Variants in TRIM9 observed in about 807,000 individuals in gnomAD.
TRIM9 encodes E3 ubiquitin-protein ligase TRIM9.
In TRIM9, 26 loss-of-function variants were observed where a neutral mutation model predicts 78.3. The observed-to-expected ratio is 0.33, with a 90% CI of 0.24 to 0.46. The LOEUF is 0.46. Among genes scored for constraint, TRIM9 ranks in the 20% least tolerant of loss-of-function variants. The pLI is 1.00. For missense variants in TRIM9, 787 were observed against 1,036.4 expected, an observed-to-expected ratio of 0.76 and a Z score of 3.30; for synonymous variants, 398 against 416.5, an observed-to-expected ratio of 0.96 and a Z score of 0.54.
At chr14:51,018,071 T>A (rs1049418757) in intron 3 of TRIM9, among the ~76,000 whole-genome samples, 3 of 152,206 alleles carry the variant, frequency 2.0e-5, no homozygotes, top group Non-Finnish European at 4.4e-5. Flanking sequence ...CTGAGGGCAG[T>A]TGAAAGCTTC....
chr14:50,996,526 A>G (rs1028927506), intron 7 of TRIM9: 1 of 985,328 alleles, frequency 1.0e-6, no homozygotes, highest in Non-Finnish European at 1.2e-6. Flanking sequence ...GATAACACAT[A>G]TTAGCAACAT....
At chr14:51,023,244 T>A (rs1278703181) in intron 2 of TRIM9, among the ~76,000 whole-genome samples, 1 of 152,238 alleles carries the variant, frequency 6.6e-6, no homozygotes, top group Non-Finnish European at 1.5e-5. Context: ...TTCATAGAGT[T>A]GTTTATGAAT....
At chr14:51,007,056 G>A (rs1476370485) in intron 5 of TRIM9, among the ~76,000 whole-genome samples, 1 of 152,054 alleles carries the variant, frequency 6.6e-6, no homozygotes, top group Admixed American at 6.6e-5. Flanking sequence ...CAATGAATGG[G>A]GGAGGAGAGG....
At chr14:51,073,448 TG>T (rs1227686738) in intron 1 of TRIM9, among the ~76,000 whole-genome samples, 1 of 152,126 alleles carries the variant, frequency 6.6e-6, no homozygotes, top group Non-Finnish European at 1.5e-5. Flanking sequence ...TTCATAAAAA[TG>T]GAATACCATA....
chr14:51,013,901 G>T (rs2056860136), intron 3 of TRIM9, among the ~76,000 whole-genome samples: 1 of 152,174 alleles, frequency 6.6e-6, no homozygotes, highest in Admixed American at 6.5e-5. Context: ...GTATGAGGCT[G>T]AACTAACTTG....
In TRIM9 at chr14:51,094,692, C is replaced by T. The variant is rs1283574614; in HGVS notation, c.248G>A (p.Gly83Glu). ...EADSGYGSYG[G>E]FASAPTTPCQ... ...CGGGGTAGTGGGGGCGCTGGCGAACCCCCCGTAGGAGCCATAGCCGCTGTC... is the reference window on the plus strand; with the variant it reads ...CGGGGTAGTGGGGGCGCTGGCGAACTCCCCGTAGGAGCCATAGCCGCTGTC... Residue 83 changes from glycine (G) to glutamate (E), a missense_variant, in exon 1 of 13, where the codon GGG becomes GAG. By Grantham distance (98) the Gly-to-Glu change is moderately conservative. Around this residue, in one of 3 missense-constraint regions of TRIM9, gnomAD observed 352 missense variants for 472.3 expected, o/e 0.75. Transcript: ENST00000684578. The T allele has an allele frequency of 6.4e-7, 1 of 1,571,274 alleles. No homozygotes were observed. Among genetic ancestry groups the T allele is most frequent in the Admixed American group, 1.8e-5 (1 of 56,840 alleles).
intron 1 of TRIM9, among the ~76,000 whole-genome samples, chr14:51,066,130 G>C (rs1306417896): frequency 7.0e-6 from 1 of 142,306 alleles, no homozygotes; most frequent in East Asian, 2.1e-4. Flanking sequence ...GGGAGGGGAG[G>C]GGGAGGGAGA....
At chr14:51,038,868 A>G (rs55801251) in intron 1 of TRIM9, among the ~76,000 whole-genome samples, 44,324 of 152,142 alleles carry the variant, frequency 0.29, 6,894 homozygotes, top group Non-Finnish European at 0.35. Context: ...GCTATGGTTC[A>G]GTTCAGAAGC....
At chr14:51,034,324 C>T (rs565636060) in intron 1 of TRIM9, among the ~76,000 whole-genome samples, 1 of 152,144 alleles carries the variant, frequency 6.6e-6, no homozygotes, top group Non-Finnish European at 1.5e-5. Flanking sequence ...TAGGCCTTAA[C>T]TAGGAAAAGA....
At chr14:51,078,985 T>A (rs1391562940) in intron 1 of TRIM9, among the ~76,000 whole-genome samples, 2 of 152,192 alleles carry the variant, frequency 1.3e-5, no homozygotes, top group African/African-American at 4.8e-5. Flanking sequence ...CTGTATCCCA[T>A]AACATCATGT....
chr14:51,094,684 T>C lies in TRIM9; in HGVS notation c.256A>G (p.Ser86Gly). The C allele has an allele frequency of 6.3e-7, 1 of 1,576,522 alleles. No homozygotes were observed. Among genetic ancestry groups the C allele is most frequent in the Non-Finnish European group, 8.6e-7 (1 of 1,160,112 alleles). ...TTCTGGCACGGGGTAGTGGGGGCGC[T>C]GGCGAACCCCCCGTAGGAGCCATAG... ...SGYGSYGGFASAPTTPCQKSP... is the reference protein window; with the variant it reads ...SGYGSYGGFAGAPTTPCQKSP... The change falls in exon 1 of 13, where the codon AGC (serine) becomes GGC (glycine). Residue 86 changes from serine (S) to glycine (G), a missense_variant. Ser to Gly is a moderately conservative substitution (Grantham distance 56). This residue lies in a region of TRIM9 where 352 missense variants were observed against 472.3 expected (regional missense o/e 0.75). Transcript: ENST00000684578.
At chr14:51,068,400 C>T (rs2061935421) in intron 1 of TRIM9, among the ~76,000 whole-genome samples, 1 of 152,108 alleles carries the variant, frequency 6.6e-6, no homozygotes, top group Non-Finnish European at 1.5e-5. Context: ...GTAGGCAGCA[C>T]ATATTACAAG....
chr14:51,079,430 A>G (rs1355052124), intron 1 of TRIM9, among the ~76,000 whole-genome samples: 2 of 152,126 alleles, frequency 1.3e-5, no homozygotes, highest in Non-Finnish European at 1.5e-5. Flanking sequence ...GTCCTATTTC[A>G]TTTCCATGGT....
chr14:50,985,017 G>C (rs1298995597), intron 8 of TRIM9, among the ~76,000 whole-genome samples: 1 of 152,184 alleles, frequency 6.6e-6, no homozygotes, highest in East Asian at 1.9e-4. Context: ...CAGAATGTGG[G>C]ATGAGCAAAA....
chr14:50,992,152 A>T (rs2053594950), intron 7 of TRIM9, among the ~76,000 whole-genome samples: 1 of 152,192 alleles, frequency 6.6e-6, no homozygotes, highest in Admixed American at 6.5e-5. Flanking sequence ...GGCTAGAGGG[A>T]TTAGATGGGC....
chr14:50,979,133 C>T, intron 12 of TRIM9: 10 of 1,398,602 alleles, frequency 7.2e-6, no homozygotes, highest in Non-Finnish European at 9.3e-6. Flanking sequence ...TGATCATTAG[C>T]CAACCATGAA....
chr14:51,051,484 G>A (rs1174041546), intron 1 of TRIM9, among the ~76,000 whole-genome samples: 1 of 152,018 alleles, frequency 6.6e-6, no homozygotes, highest in Non-Finnish European at 1.5e-5. Flanking sequence ...AGGGCAGGCA[G>A]TCTTACCTCG....
chr14:51,016,475 C>G (rs1356782534), intron 3 of TRIM9, among the ~76,000 whole-genome samples: 1 of 137,590 alleles, frequency 7.3e-6, no homozygotes, highest in East Asian at 2.4e-4. Context: ...CCACCCCCTA[C>G]CCCCCTGCAG....
At chr14:51,054,332 G>A (rs955618682) in intron 1 of TRIM9, among the ~76,000 whole-genome samples, 3 of 149,368 alleles carry the variant, frequency 2.0e-5, no homozygotes, top group African/African-American at 4.9e-5. Flanking sequence ...AAGTATAGTG[G>A]CTCCATCTTG....
Sources: gnomAD v4.1 joint callset for allele counts (sites outside exome capture counted in the v4.1 genomes callset) on GRCh38, gnomAD v4.1.1 for gene constraint, gnomAD v4.1.1 regional missense constraint, MANE v1.5 for transcripts, NCBI Gene and HGNC (gene_info 2026-07-23, HGNC 2026-07-21) for gene names.